The following ZNF148 variants were observed in gnomAD, a reference collection of about 807,000 sequenced individuals.
ZNF148 encodes Beta-Enolase Repressor Factor-1.
ZNF148 carries 7 observed loss-of-function variants against 67.7 expected under a neutral mutation model. That is an observed-to-expected ratio of 0.10 (90% CI 0.06 to 0.19). The LOEUF (loss-of-function observed/expected upper bound fraction) is 0.19, where lower values mean the gene tolerates loss of function less well. Among genes scored for constraint, ZNF148 ranks in the 10% least tolerant of loss-of-function variants. The pLI is 1.00. For synonymous variants in ZNF148, 333 were observed against 330.7 expected (o/e 1.01, Z -0.08); for missense variants, 583 against 947.1 (o/e 0.62, Z 5.05).
intron 1 of ZNF148, among the ~76,000 whole-genome samples, chr3:125,338,003 C>A (rs558908919): frequency 6.6e-6 from 1 of 152,062 alleles, no homozygotes; most frequent in African/African-American, 2.4e-5. Flanking sequence ...ACTAGGAAGG[C>A]TGAGGTGGGA....
intron 1 of ZNF148, among the ~76,000 whole-genome samples, chr3:125,355,025 A>C (rs1219196520): frequency 2.6e-5 from 4 of 152,318 alleles, no homozygotes; most frequent in Non-Finnish European, 5.9e-5. Flanking sequence ...TGAGCTCTGC[A>C]TTATCTGTCC....
chr3:125,352,590 C>T (rs562398140), intron 1 of ZNF148, among the ~76,000 whole-genome samples: 38 of 150,802 alleles, frequency 2.5e-4, no homozygotes, highest in African/African-American at 9.0e-4. Flanking sequence ...CTGGAATTTG[C>T]TTCAAAATAA....
At position 125,313,317 on chromosome 3, in the gene ZNF148, A is replaced by G; in HGVS notation, c.324T>C (p.Leu108=). The G allele has an allele frequency of 2.5e-6, 4 of 1,607,250 alleles. No individual in the cohort carries two copies. Among genetic ancestry groups the G allele is most frequent in the Non-Finnish European group, 3.4e-6 (4 of 1,174,670 alleles). ...TAAAGGAATTACTTACAGGGACATT[A>G]AGTGCATACTGTAGTCCTTGAGGAA... is the stretch of plus-strand genomic sequence containing the variant. The part of the protein sequence containing the change: ...ERLPQGLQYA[L]NVPISVKQEI... Residue 108 remains leucine, a synonymous_variant, in exon 4 of 9, where the codon CTT becomes CTC. Transcript: ENST00000360647.
At chr3:125,248,152 T>C (rs576515459) in intron 7 of ZNF148, among the ~76,000 whole-genome samples, 3 of 152,294 alleles carry the variant, frequency 2.0e-5, no homozygotes, top group Non-Finnish European at 2.9e-5. Flanking sequence ...TATGTAAAAT[T>C]AGTAAAATGG....
chr3:125,314,453 T>G (rs537513480), intron 3 of ZNF148, among the ~76,000 whole-genome samples: 15 of 152,184 alleles, frequency 9.9e-5, no homozygotes, highest in Non-Finnish European at 1.9e-4. Context: ...CTTTCCCAAA[T>G]TAATCACCTA....
rs536004868 is a variant in ZNF148, at chr3:125,348,802, T to A, written c.-233-17564A>T. The stretch of plus-strand genomic sequence containing the variant: ...CCCCCGAATGTAGCCAAAACAATCT[T>A]GAAAAAGAACAACAAAGCTAAAGGC... On this transcript the variant is annotated intron_variant, in intron 1 of 8. Coordinates refer to ENST00000360647, the MANE Select transcript of ZNF148 (RefSeq NM_021964.3). 3.5e-4 allele frequency among the ~76,000 whole-genome samples: 53 copies of A among 152,180 alleles called. 1 individual carries two copies. Among genetic ancestry groups the A allele is most frequent in the African/African-American group, 1.2e-3 (50 of 41,512 alleles).
chr3:125,347,096 T>C (rs1941972207), intron 1 of ZNF148, among the ~76,000 whole-genome samples: 1 of 152,062 alleles, frequency 6.6e-6, no homozygotes, highest in Non-Finnish European at 1.5e-5. Flanking sequence ...GCACTTATAA[T>C]AGCAGGAAAA....
intron 4 of ZNF148, among the ~76,000 whole-genome samples, chr3:125,310,568 C>A (rs1940151122): frequency 6.6e-6 from 1 of 150,470 alleles, no homozygotes; most frequent in Non-Finnish European, 1.5e-5. Flanking sequence ...AAAAGAAGAG[C>A]AAATTAAATC....
intron 1 of ZNF148, among the ~76,000 whole-genome samples, chr3:125,354,905 G>A (rs570477741): frequency 1.3e-5 from 2 of 152,280 alleles, no homozygotes; most frequent in African/African-American, 2.4e-5. Flanking sequence ...CTCACAATGC[G>A]ATTATTTAAC....
chr3:125,238,330 A>T (rs1265769218), intron 7 of ZNF148, among the ~76,000 whole-genome samples: 9 of 152,182 alleles, frequency 5.9e-5, no homozygotes, highest in Admixed American at 5.9e-4. Flanking sequence ...GACACTATCA[A>T]AAAAATGAAA....
At chr3:125,317,658 T>TAGAGAGAG (rs796905351) in intron 3 of ZNF148, among the ~76,000 whole-genome samples, 9 of 27,968 alleles carry the variant, frequency 3.2e-4, no homozygotes, top group African/African-American at 5.0e-4. Flanking sequence ...TATATATATA[T>TAGAGAGAG]ATATAGAGAG....
chr3:125,368,068 A>G (rs896129116), intron 1 of ZNF148, among the ~76,000 whole-genome samples: 1 of 152,222 alleles, frequency 6.6e-6, no homozygotes, highest in African/African-American at 2.4e-5. Flanking sequence ...CTTTTCAAAT[A>G]TAAGTATGGT....
At chr3:125,246,468 A>G (rs1251476180) in intron 7 of ZNF148, among the ~76,000 whole-genome samples, 1 of 152,128 alleles carries the variant, frequency 6.6e-6, no homozygotes, top group African/African-American at 2.4e-5. Flanking sequence ...TGTGAGAAAT[A>G]AGCATGTATT....
intron 1 of ZNF148, among the ~76,000 whole-genome samples, chr3:125,370,372 T>A (rs568343279): frequency 2.6e-4 from 40 of 152,276 alleles, no homozygotes; most frequent in South Asian, 4.1e-4. Context: ...TTTCATACAA[T>A]CCCACTATTA....
At chr3:125,343,079 C>T (rs1488598126) in intron 1 of ZNF148, among the ~76,000 whole-genome samples, 1 of 152,108 alleles carries the variant, frequency 6.6e-6, no homozygotes, top group Non-Finnish European at 1.5e-5. Context: ...TATATTAAAC[C>T]AGAAATGTAA....
chr3:125,336,022 C>A (rs930905652), intron 1 of ZNF148, among the ~76,000 whole-genome samples: 14 of 152,158 alleles, frequency 9.2e-5, no homozygotes, highest in Non-Finnish European at 1.9e-4. Context: ...TAATGTTACT[C>A]CTAAGTATGA....
rs1016041830 is a variant in ZNF148 at position 125,345,836 on chromosome 3, G to A, written c.-233-14598C>T. ...TCTTAATTTAAAAGCCCCCCCAACT[G>A]CTGCCAAAAAACAAAAAACAAAAAA... On this transcript the variant is annotated intron_variant, in intron 1 of 8. Coordinates refer to ENST00000360647, the MANE Select transcript of ZNF148 (RefSeq NM_021964.3). Among the ~76,000 whole-genome samples the A allele has an allele frequency of 4.0e-5, 6 of 151,816 alleles. 1 individual carries two copies. Among genetic ancestry groups the A allele is most frequent in the African/African-American group, 1.4e-4 (6 of 41,384 alleles).
chr3:125,371,925 G>A (rs1272163554), intron 1 of ZNF148, among the ~76,000 whole-genome samples: 1 of 151,874 alleles, frequency 6.6e-6, no homozygotes, highest in Admixed American at 6.6e-5. Flanking sequence ...TTAGCCGGGC[G>A]TGGTGGTGGG....
intron 4 of ZNF148, among the ~76,000 whole-genome samples, chr3:125,298,577 C>A (rs1301052119): frequency 2.6e-5 from 4 of 151,058 alleles, no homozygotes; most frequent in Admixed American, 2.6e-4. Flanking sequence ...TAGCATTATC[C>A]AATTTATGTA....
Sources: gnomAD v4.1 joint callset for allele counts (sites outside exome capture counted in the v4.1 genomes callset) on GRCh38, gnomAD v4.1.1 for gene constraint, MANE v1.5 for transcripts, NCBI Gene and HGNC (gene_info 2026-07-23, HGNC 2026-07-21) for gene names.